The following KCNH7 variants were observed in gnomAD, a reference collection of about 807,000 sequenced individuals.
KCNH7 encodes voltage-gated inwardly rectifying potassium channel KCNH7.
A neutral mutation model predicts 120.8 loss-of-function variants in KCNH7; 49 were observed. The observed-to-expected ratio is 0.41, with a 90% CI of 0.32 to 0.51. The LOEUF (loss-of-function observed/expected upper bound fraction) is 0.51, where lower values mean the gene tolerates loss of function less well. KCNH7 is among the 20% of genes least tolerant of loss of function. The pLI, the probability that KCNH7 is intolerant of heterozygous loss-of-function variation, is 0.38. For missense variants in KCNH7, 1,097 were observed against 1,446.6 expected (o/e 0.76, Z 3.92); for synonymous variants, 547 against 516.1 (o/e 1.06, Z -0.81).
In KCNH7 at chr2:162,496,401, A is replaced by C. The variant is rs116005953; in HGVS notation, c.1128+8042T>G. ...CAGTGGACTAAGGGCCCGCATGCGC[A>C]CTGGGGGGATGGAGGGGAGCCACCT... On this transcript the variant is annotated intron_variant, in intron 6 of 15. Transcript: ENST00000332142. Among the ~76,000 whole-genome samples the C allele has an allele frequency of 2.9e-3, 447 of 152,210 alleles. 1 individual carries two copies. Among genetic ancestry groups the C allele is most frequent in the African/African-American group, 0.01 (423 of 41,536 alleles).
Position 162,833,097 on chromosome 2 carries a change from A to C in KCNH7, c.307+3440T>G, listed in dbSNP as rs556359799. On this transcript the variant is annotated intron_variant, in intron 2 of 15. Transcript: ENST00000332142. ...TAAGTCATCCTTTCCTACTGAGTAA[A>C]GACGTTTATTTTTCCTGGAGAAATT... Among the ~76,000 whole-genome samples, 85 of 152,254 alleles carry C rather than the reference A, an allele frequency of 5.6e-4. No homozygotes were observed. The South Asian group carries it at 0.018, about 32-fold the overall frequency.
At chr2:162,519,443 G>A (rs1296575415) in intron 3 of KCNH7, among the ~76,000 whole-genome samples, 2 of 151,730 alleles carry the variant, frequency 1.3e-5, no homozygotes, top group Non-Finnish European at 2.9e-5. Context: ...CATATATGTT[G>A]CATAAAAGCT....
chr2:162,382,092 C>G (rs1178977933), intron 13 of KCNH7, among the ~76,000 whole-genome samples: 1 of 152,000 alleles, frequency 6.6e-6, no homozygotes, highest in African/African-American at 2.4e-5. Context: ...AGAAAGCTTA[C>G]AGAATTTCTG....
intron 2 of KCNH7, among the ~76,000 whole-genome samples, chr2:162,779,018 A>C (rs1207045388): frequency 7.1e-6 from 1 of 140,002 alleles, no homozygotes; most frequent in Non-Finnish European, 1.5e-5. Context: ...AGTGAAATCC[A>C]AAAAAAACTT....
chr2:162,546,331 C>A (rs1692476260), intron 2 of KCNH7, among the ~76,000 whole-genome samples: 1 of 151,998 alleles, frequency 6.6e-6, no homozygotes, highest in African/African-American at 2.4e-5. Context: ...AATGCCCAAG[C>A]AAATATTTAG....
chr2:162,600,216 A>T (rs1391734470), intron 2 of KCNH7, among the ~76,000 whole-genome samples: 2 of 152,002 alleles, frequency 1.3e-5, no homozygotes, highest in African/African-American at 4.8e-5. Flanking sequence ...GGTGTACACT[A>T]TGTTATTTTT....
chr2:162,677,908 T>C (rs926932479), intron 2 of KCNH7, among the ~76,000 whole-genome samples: 3 of 151,518 alleles, frequency 2.0e-5, no homozygotes, highest in Admixed American at 6.6e-5. Context: ...TATTCATTTA[T>C]TGTCCATTTG....
chr2:162,513,358 T>TTCC (rs1691161913), intron 4 of KCNH7, among the ~76,000 whole-genome samples: 22 of 91,766 alleles, frequency 2.4e-4, no homozygotes, highest in East Asian at 8.4e-4. Context: ...TCCCTCCTTC[T>TTCC]TTCCTTCCTT....
intron 2 of KCNH7, among the ~76,000 whole-genome samples, chr2:162,829,333 T>G (rs1196402114): frequency 6.6e-6 from 1 of 152,186 alleles, no homozygotes; most frequent in Admixed American, 6.5e-5. Context: ...ACATTTTCAA[T>G]TGCCATTATT....
chr2:162,516,244 T>A (rs1198382137), intron 4 of KCNH7, among the ~76,000 whole-genome samples: 1 of 151,768 alleles, frequency 6.6e-6, no homozygotes, highest in East Asian at 2.0e-4. Context: ...AGACATATAA[T>A]ACACAATAAA....
At chr2:162,428,309 T>C (rs1170293500) in intron 8 of KCNH7, among the ~76,000 whole-genome samples, 1 of 151,870 alleles carries the variant, frequency 6.6e-6, no homozygotes, top group Admixed American at 6.6e-5. Flanking sequence ...TAAACATCTA[T>C]CAGTTTTTTC....
At chr2:162,463,979 A>G (rs1475223309) in intron 6 of KCNH7, among the ~76,000 whole-genome samples, 2 of 151,970 alleles carry the variant, frequency 1.3e-5, no homozygotes, top group Non-Finnish European at 1.5e-5. Flanking sequence ...AGCTGATTCT[A>G]TCATAGTCAA....
chr2:162,814,099 T>C (rs1431548507), intron 2 of KCNH7, among the ~76,000 whole-genome samples: 1 of 152,062 alleles, frequency 6.6e-6, no homozygotes, highest in Non-Finnish European at 1.5e-5. Context: ...GGTTTCAGCA[T>C]TTACAAAATA....
intron 2 of KCNH7, among the ~76,000 whole-genome samples, chr2:162,752,903 A>AAAAAAGAGAAG (rs1688612139): frequency 1.6e-4 from 5 of 32,082 alleles, no homozygotes; most frequent in Non-Finnish European, 5.6e-4. Flanking sequence ...TACATCTCAG[A>AAAAAAGAGAAG]AAAAGAAAAG....
chr2:162,426,781 G>A (rs1687878784), intron 8 of KCNH7, among the ~76,000 whole-genome samples: 1 of 151,816 alleles, frequency 6.6e-6, no homozygotes, highest in South Asian at 2.1e-4. Flanking sequence ...AATTAGTTTT[G>A]ACAAATGTAT....
intron 2 of KCNH7, among the ~76,000 whole-genome samples, chr2:162,703,599 G>A (rs371919634): frequency 9.9e-5 from 15 of 152,184 alleles, no homozygotes; most frequent in African/African-American, 1.9e-4. Flanking sequence ...GCTTAAACAC[G>A]GAGAATGTTA....
chr2:162,494,571 C>T (rs1690431226), intron 6 of KCNH7, among the ~76,000 whole-genome samples: 1 of 152,080 alleles, frequency 6.6e-6, no homozygotes, highest in Non-Finnish European at 1.5e-5. Context: ...TGAGTACATG[C>T]TATCAATCAT....
At chr2:162,470,232 G>T (rs1308809051) in intron 6 of KCNH7, among the ~76,000 whole-genome samples, 1 of 151,266 alleles carries the variant, frequency 6.6e-6, no homozygotes, top group Non-Finnish European at 1.5e-5. Context: ...GAGCCTCTCT[G>T]CCCGGCCGCC....
chr2:162,394,665 G>A (rs1249069396), intron 11 of KCNH7, among the ~76,000 whole-genome samples, 180 bp from the exon 12 acceptor site: 1 of 151,916 alleles, frequency 6.6e-6, no homozygotes, highest in Non-Finnish European at 1.5e-5. Context: ...AACATACACA[G>A]ATAGAATAAT....
Sources: gnomAD v4.1 joint callset for allele counts (sites outside exome capture counted in the v4.1 genomes callset) on GRCh38, gnomAD v4.1.1 for gene constraint, MANE v1.5 for transcripts, NCBI Gene and HGNC (gene_info 2026-07-23, HGNC 2026-07-21) for gene names.